Variants in MAP4 observed in about 807,000 individuals in gnomAD.
MAP4 encodes microtubule associated protein 4, also known as microtubule-associated protein 4.
MAP4 carries 76 observed loss-of-function variants against 170.2 expected under a neutral mutation model. That is an observed-to-expected ratio of 0.45 (90% CI 0.37 to 0.54). MAP4 has a LOEUF of 0.54. Ranked by LOEUF, MAP4 falls within the 20% of genes least tolerant of loss-of-function variation. MAP4 has a pLI of 0.00. For missense variants in MAP4, 2,506 were observed against 2,748.0 expected, an observed-to-expected ratio of 0.91 and a Z score of 1.97; for synonymous variants, 909 against 994.5, an observed-to-expected ratio of 0.91 and a Z score of 1.62.
intron 3 of MAP4, among the ~76,000 whole-genome samples, chr3:47,975,821 G>C (rs1156538777): frequency 7.0e-6 from 1 of 143,322 alleles, no homozygotes; most frequent in Non-Finnish European, 1.5e-5. Flanking sequence ...ACGGAGTCTT[G>C]CTCTGTTGAC....
intron 9 of MAP4, among the ~76,000 whole-genome samples, chr3:47,904,143 A>T (rs900743929): frequency 6.6e-6 from 1 of 152,172 alleles, no homozygotes; most frequent in African/African-American, 2.4e-5. Context: ...TTGGATTCAA[A>T]TTCTAACCCT....
At chr3:47,906,462 T>A (rs2100033077) in intron 9 of MAP4, among the ~76,000 whole-genome samples, 1 of 152,084 alleles carries the variant, frequency 6.6e-6, no homozygotes. Flanking sequence ...GGCAGACAGA[T>A]CACCTGAGGT....
chr3:48,069,428 AC>A (rs1461911225), intron 1 of MAP4, among the ~76,000 whole-genome samples: 1 of 152,106 alleles, frequency 6.6e-6, no homozygotes, highest in Admixed American at 6.6e-5. Flanking sequence ...TACAGATGAA[AC>A]CTGAACCTTG....
At chr3:47,987,211 C>T (rs1171059656) in intron 2 of MAP4, among the ~76,000 whole-genome samples, 1 of 152,204 alleles carries the variant, frequency 6.6e-6, no homozygotes, top group Non-Finnish European at 1.5e-5. Flanking sequence ...TTTGATTATG[C>T]TGTGCCATCC....
intron 1 of MAP4, among the ~76,000 whole-genome samples, chr3:48,077,408 T>A (rs2154568422): frequency 6.7e-6 from 1 of 148,984 alleles, no homozygotes; most frequent in South Asian, 2.1e-4. Flanking sequence ...ATCGTGCCAT[T>A]GCACTCCAGC....
At position 47,917,012 on chromosome 3, in the gene MAP4, A is replaced by G; in HGVS notation, c.815T>C (p.Val272Ala). Residue 272 changes from valine (V) to alanine (A), a missense_variant, in exon 7 of 21, where the codon GTG becomes GCG. Val to Ala is a moderately conservative substitution (Grantham distance 64). Transcript: ENST00000683076. ...KDMALATKTE[V>A]ALAKDMESPT... ...TGATTCCATATCTTTAGCCAATGCC[A>G]CCTCGGTTTTTGTAGCTAGTGCCAT... 6.2e-7 allele frequency: 1 copy of G among 1,613,792 alleles called. No individual in the cohort carries two copies. Among genetic ancestry groups the G allele is most frequent in the Non-Finnish European group, 8.5e-7 (1 of 1,179,942 alleles).
At chr3:47,962,439 G>A (rs2100072153) in intron 3 of MAP4, among the ~76,000 whole-genome samples, 2 of 152,144 alleles carry the variant, frequency 1.3e-5, no homozygotes, top group Non-Finnish European at 2.9e-5. Flanking sequence ...ATCAGCTTTG[G>A]GGGCAGGGTG....
At chr3:47,962,071 G>A (rs1299256117) in intron 3 of MAP4, among the ~76,000 whole-genome samples, 11 of 152,148 alleles carry the variant, frequency 7.2e-5, no homozygotes, top group Non-Finnish European at 1.6e-4. Context: ...CAACAGCCTA[G>A]AAGTTACCTT....
At chr3:48,079,688 C>G (rs1334368039) in intron 1 of MAP4, among the ~76,000 whole-genome samples, 2 of 151,892 alleles carry the variant, frequency 1.3e-5, no homozygotes, top group Non-Finnish European at 1.5e-5. Flanking sequence ...CGGTGGCTCA[C>G]ACCTGTAATC....
intron 1 of MAP4, among the ~76,000 whole-genome samples, chr3:48,022,573 TG>T (rs1202804307): frequency 6.6e-6 from 1 of 152,114 alleles, no homozygotes; most frequent in Non-Finnish European, 1.5e-5. Flanking sequence ...AAGGCTAAAA[TG>T]GGAAATTCAA....
intron 1 of MAP4, among the ~76,000 whole-genome samples, chr3:48,060,844 C>T (rs1239976385): frequency 6.6e-6 from 1 of 151,888 alleles, no homozygotes; most frequent in African/African-American, 2.4e-5. Context: ...ACAAAATATA[C>T]AAATAACTTT....
At chr3:47,934,987 TA>T (rs1441202064) in intron 3 of MAP4, among the ~76,000 whole-genome samples, 3 of 152,236 alleles carry the variant, frequency 2.0e-5, no homozygotes, top group African/African-American at 7.2e-5. Context: ...GTTGAGAGTT[TA>T]AGACATGCCC....
chr3:48,048,101 T>A (rs1046136525), intron 1 of MAP4, among the ~76,000 whole-genome samples: 2 of 151,836 alleles, frequency 1.3e-5, no homozygotes, highest in African/African-American at 4.8e-5. Context: ...GTATCTAGAC[T>A]CCCATCTTTT....
At chr3:47,948,653 G>A (rs780891962) in intron 3 of MAP4, among the ~76,000 whole-genome samples, 10 of 151,338 alleles carry the variant, frequency 6.6e-5, no homozygotes, top group Non-Finnish European at 1.2e-4. Context: ...ACAGAGTCTC[G>A]CTCTGTTGCC....
At position 47,924,737 on chromosome 3, in the gene MAP4, C is replaced by T. The variant is rs1340714539; in HGVS notation, c.416-2859G>A. Among the ~76,000 whole-genome samples, 13 of 152,170 alleles carry T rather than the reference C, an allele frequency of 8.5e-5. No individual in the cohort carries two copies. The East Asian group carries it at 2.5e-3, about 29-fold the overall frequency. On this transcript the variant is annotated intron_variant, in intron 4 of 20. Transcript: ENST00000683076. ...CCGTTGAATGGAGGCCTCTGCTCCT[C>T]TCCCATGTGTGCCTCTCTATATCAG...
At chr3:48,060,502 C>T (rs890120479) in intron 1 of MAP4, among the ~76,000 whole-genome samples, 1 of 152,072 alleles carries the variant, frequency 6.6e-6, no homozygotes, top group Admixed American at 6.6e-5. Context: ...AACTGATAAG[C>T]TGGACTTTAC....
chr3:47,901,521 C>T (rs1446359646), intron 10 of MAP4, among the ~76,000 whole-genome samples: 1 of 151,932 alleles, frequency 6.6e-6, no homozygotes, highest in Non-Finnish European at 1.5e-5. Flanking sequence ...ACAAAAAATA[C>T]AAAAATTAGC....
At chr3:48,056,108 G>A (rs2100131170) in intron 1 of MAP4, among the ~76,000 whole-genome samples, 2 of 148,496 alleles carry the variant, frequency 1.3e-5, no homozygotes, top group Non-Finnish European at 1.5e-5. Flanking sequence ...GTCCGGGAGG[G>A]AGGTGGGGGG....
At chr3:47,886,238 T>C (rs1295487488) in intron 10 of MAP4, among the ~76,000 whole-genome samples, 1 of 152,226 alleles carries the variant, frequency 6.6e-6, no homozygotes, top group Admixed American at 6.5e-5. Flanking sequence ...CTGCTTTCTC[T>C]CTCCCAGAAG....
Sources: gnomAD v4.1 joint callset for allele counts (sites outside exome capture counted in the v4.1 genomes callset) on GRCh38, gnomAD v4.1.1 for gene constraint, MANE v1.5 for transcripts, NCBI Gene and HGNC (gene_info 2026-07-23, HGNC 2026-07-21) for gene names.